The following KAZN variants were observed in gnomAD, a reference collection of about 807,000 sequenced individuals.
KAZN encodes kazrin, periplakin interacting protein, also known as kazrin.
KAZN carries 40 observed loss-of-function variants against 87.4 expected under a neutral mutation model. That is an observed-to-expected ratio of 0.46 (90% CI 0.36 to 0.60). The LOEUF (loss-of-function observed/expected upper bound fraction) is 0.60. Ranked by LOEUF, KAZN falls within the 20% of genes least tolerant of loss-of-function variation. The pLI, the probability that KAZN is intolerant of heterozygous loss-of-function variation, is 0.00. For missense variants in KAZN, 898 were observed against 1,073.9 expected (o/e 0.84, Z 2.29); for synonymous variants, 466 against 458.3 (o/e 1.02, Z -0.22).
At chr1:14,217,399 C>A (rs948869880) in intron 2 of KAZN, among the ~76,000 whole-genome samples, 2 of 151,758 alleles carry the variant, frequency 1.3e-5, no homozygotes, top group Non-Finnish European at 2.9e-5. Context: ...CTACAACCCA[C>A]TATTTCTAAC....
chr1:13,933,291 G>A (rs1433389476), intron 1 of KAZN, among the ~76,000 whole-genome samples: 6 of 151,896 alleles, frequency 4.0e-5, no homozygotes, highest in African/African-American at 1.2e-4. Flanking sequence ...TCAGGAGTTC[G>A]AGACCAGACT....
At chr1:14,377,631 G>A (rs1661021897) in intron 2 of KAZN, among the ~76,000 whole-genome samples, 1 of 152,118 alleles carries the variant, frequency 6.6e-6, no homozygotes, top group Admixed American at 6.5e-5. Context: ...AAGCTTTACT[G>A]GGCAACAAAA....
At chr1:14,439,193 C>T (rs1666563838) in intron 2 of KAZN, among the ~76,000 whole-genome samples, 1 of 152,166 alleles carries the variant, frequency 6.6e-6, no homozygotes, top group African/African-American at 2.4e-5. Flanking sequence ...AGATGCTGAC[C>T]ACAGATTTCC....
intron 2 of KAZN, among the ~76,000 whole-genome samples, chr1:14,225,830 C>A (rs1009251560): frequency 6.6e-6 from 1 of 152,008 alleles, no homozygotes; most frequent in Non-Finnish European, 1.5e-5. Context: ...GAAACTGGAC[C>A]CTGCATTTCA....
chr1:14,656,312 A>T (rs987086938), intron 1 of KAZN, among the ~76,000 whole-genome samples: 2 of 152,186 alleles, frequency 1.3e-5, no homozygotes, highest in African/African-American at 4.8e-5. Flanking sequence ...TGGTTTCAGC[A>T]GTGACAGTTT....
In KAZN at chr1:14,318,970, A is replaced by T. The variant is rs193197020; in HGVS notation, c.249+138378A>T. Among the ~76,000 whole-genome samples, 360 of 151,498 alleles carry T rather than the reference A, an allele frequency of 2.4e-3. 2 individuals carry two copies. The highest frequency in any genetic ancestry group is 8.4e-3 in the African/African-American group (347 of 41,432). On this transcript the variant is annotated intron_variant, in intron 2 of 16. Transcript: ENST00000636203. ...TTTTAAAATCTTTGCTAATTGCTTT[A>T]TCTCTGTACTGTCTGGGCCTGTTTC...
At chr1:14,528,876 A>C (rs1672057015) in intron 2 of KAZN, among the ~76,000 whole-genome samples, 1 of 151,652 alleles carries the variant, frequency 6.6e-6, no homozygotes, top group Admixed American at 6.6e-5. Flanking sequence ...AACAAACTCC[A>C]CTTTATTCAT....
At chr1:14,518,542 G>T (rs184488123) in intron 2 of KAZN, among the ~76,000 whole-genome samples, 58 of 152,278 alleles carry the variant, frequency 3.8e-4, no homozygotes, top group African/African-American at 1.4e-3. Flanking sequence ...TAGAGTCCCA[G>T]GTGATGAATT....
chr1:14,978,167 C>T lies in KAZN; in HGVS notation c.418+17292C>T, dbSNP rs61772170. 2.7e-3 allele frequency among the ~76,000 whole-genome samples: 413 copies of T among 150,634 alleles called. 3 individuals carry two copies. Among genetic ancestry groups the T allele is most frequent in the Middle Eastern group, 0.014 (4 of 290 alleles). On this transcript the variant is annotated intron_variant, in intron 2 of 14. Coordinates refer to ENST00000376030, the MANE Select transcript of KAZN (RefSeq NM_201628.3). ...GCTGGGGCTGGTTCTTGCTAAAGAC[C>T]TCTTTCTTTCCTTGGGCACATGCTT...
intron 2 of KAZN, among the ~76,000 whole-genome samples, chr1:14,519,733 A>G (rs530801500): frequency 4.7e-4 from 72 of 152,282 alleles, no homozygotes; most frequent in African/African-American, 1.7e-3. Flanking sequence ...GCATTACCCC[A>G]AGAGACTTTG....
At chr1:14,946,321 CT>C (rs1183162749) in intron 1 of KAZN, 71 of 119,442 alleles carry the variant, frequency 5.9e-4, no homozygotes, top group Non-Finnish European at 6.2e-4. Flanking sequence ...TTCTCTCTCT[CT>C]TTTTTTTTTT....
intron 2 of KAZN, among the ~76,000 whole-genome samples, chr1:14,457,857 G>A (rs994564142): frequency 1.4e-4 from 20 of 146,736 alleles, no homozygotes; most frequent in East Asian, 5.9e-4. Context: ...TCGCTGTGTC[G>A]CCCAGGCTGG....
At chr1:15,017,939 T>C (rs1373956708) in intron 2 of KAZN, among the ~76,000 whole-genome samples, 2 of 152,252 alleles carry the variant, frequency 1.3e-5, no homozygotes, top group Non-Finnish European at 2.9e-5. Flanking sequence ...TCTCCATTCA[T>C]GGAGGTGTGC....
chr1:15,075,895 G>A (rs978875081), intron 8 of KAZN, among the ~76,000 whole-genome samples: 1 of 152,248 alleles, frequency 6.6e-6, no homozygotes, highest in East Asian at 1.9e-4. Context: ...CTGCCAGGGT[G>A]TCTGGCCCCA....
intron 1 of KAZN, among the ~76,000 whole-genome samples, chr1:14,071,524 A>G (rs1464784523): frequency 1.3e-5 from 2 of 152,268 alleles, no homozygotes; most frequent in Non-Finnish European, 2.9e-5. Context: ...TTCCCAATGT[A>G]TATTTGTGTA....
chr1:14,293,467 G>A (rs1653871428), intron 2 of KAZN, among the ~76,000 whole-genome samples: 1 of 152,006 alleles, frequency 6.6e-6, no homozygotes, highest in African/African-American at 2.4e-5. Context: ...AATCAATCAA[G>A]TTTGAATCCC....
chr1:13,916,367 C>A (rs139757485), intron 1 of KAZN, among the ~76,000 whole-genome samples: 1 of 152,056 alleles, frequency 6.6e-6, no homozygotes, highest in Non-Finnish European at 1.5e-5. Flanking sequence ...AGTCTGTGTC[C>A]GAGACCCCTG....
intron 14 of KAZN, 155 bp from the exon 15 acceptor site, chr1:15,114,316 G>C (rs1374250874): frequency 3.1e-6 from 2 of 647,010 alleles, no homozygotes; most frequent in African/African-American, 3.7e-5. Flanking sequence ...CAACCTCCCT[G>C]AGCAGGGAGT....
intron 1 of KAZN, among the ~76,000 whole-genome samples, chr1:14,022,485 CAAAA>C (rs58713618): frequency 1.0e-3 from 115 of 110,420 alleles, no homozygotes; most frequent in African/African-American, 3.5e-3. Flanking sequence ...GTATTTAAAG[CAAAA>C]AAAAAAAAAA....
Sources: gnomAD v4.1 joint callset for allele counts (sites outside exome capture counted in the v4.1 genomes callset) on GRCh38, gnomAD v4.1.1 for gene constraint, MANE v1.5 for transcripts, NCBI Gene and HGNC (gene_info 2026-07-23, HGNC 2026-07-21) for gene names.